Variants in JAM3 observed in about 807,000 individuals in gnomAD.
JAM3 encodes junctional adhesion molecule C.
In JAM3, 31 loss-of-function variants were observed where a neutral mutation model predicts 39.4. The observed-to-expected ratio is 0.79, with a 90% CI of 0.59 to 1.06. The LOEUF (loss-of-function observed/expected upper bound fraction) is 1.06, where lower values mean the gene tolerates loss of function less well. JAM3 is among the 50% of genes least tolerant of loss of function. The pLI, the probability that JAM3 is intolerant of heterozygous loss-of-function variation, is 0.00. For synonymous variants in JAM3, 182 were observed against 148.7 expected (o/e 1.22, Z -1.63); for missense variants, 455 against 391.4 (o/e 1.16, Z -1.37).
At chr11:134,113,443 T>A (rs1472152336) in intron 1 of JAM3, among the ~76,000 whole-genome samples, 4 of 152,196 alleles carry the variant, frequency 2.6e-5, no homozygotes, top group Non-Finnish European at 5.9e-5. Flanking sequence ...ACACGCGGTG[T>A]TTGGTTTTTT....
At chr11:134,087,200 G>A (rs1490278919) in intron 1 of JAM3, among the ~76,000 whole-genome samples, 2 of 151,752 alleles carry the variant, frequency 1.3e-5, no homozygotes, top group African/African-American at 4.8e-5. Context: ...GTATTACAAT[G>A]AAGGAGATAC....
intron 1 of JAM3, among the ~76,000 whole-genome samples, chr11:134,111,220 T>C (rs1328180964): frequency 7.1e-6 from 1 of 140,376 alleles, no homozygotes; most frequent in Non-Finnish European, 1.5e-5. Flanking sequence ...CTCGGCTCAC[T>C]GCAAGCTTCG....
At chr11:134,081,048 G>T (rs1406065051) in intron 1 of JAM3, among the ~76,000 whole-genome samples, 1 of 152,188 alleles carries the variant, frequency 6.6e-6, no homozygotes, top group Non-Finnish European at 1.5e-5. Flanking sequence ...CTAGAGATTT[G>T]TGCAACTTTG....
intron 1 of JAM3, among the ~76,000 whole-genome samples, chr11:134,083,049 A>G (rs545455228): frequency 1.3e-5 from 2 of 152,328 alleles, no homozygotes; most frequent in African/African-American, 4.8e-5. Flanking sequence ...TTTTCTATGT[A>G]TATTTCCAGC....
chr11:134,091,018 G>T (rs957258538), intron 1 of JAM3, among the ~76,000 whole-genome samples: 1 of 152,034 alleles, frequency 6.6e-6, no homozygotes, highest in African/African-American at 2.4e-5. Flanking sequence ...TAATGTATTG[G>T]CTGGCTAAGA....
intron 1 of JAM3, among the ~76,000 whole-genome samples, chr11:134,075,595 TG>T (rs1248308869): frequency 6.6e-6 from 1 of 152,164 alleles, no homozygotes; most frequent in Non-Finnish European, 1.5e-5. Flanking sequence ...GGTAATTTTT[TG>T]AACATTTTTT....
chr11:134,138,367 CTAGT>C (rs1942910448), intron 1 of JAM3, among the ~76,000 whole-genome samples: 3 of 127,458 alleles, frequency 2.4e-5, no homozygotes, highest in Non-Finnish European at 5.0e-5. Flanking sequence ...TTTATGGCCA[CTAGT>C]CCCTTAGAGC....
chr11:134,136,841 C>A (rs529825758), intron 1 of JAM3, among the ~76,000 whole-genome samples: 76 of 152,322 alleles, frequency 5.0e-4, no homozygotes, highest in African/African-American at 1.7e-3. Flanking sequence ...AGGCCGGGCG[C>A]AGTGGCTCAC....
chr11:134,124,726 AAAG>A (rs1031312430), intron 1 of JAM3, among the ~76,000 whole-genome samples: 2 of 152,218 alleles, frequency 1.3e-5, no homozygotes, highest in Non-Finnish European at 2.9e-5. Flanking sequence ...ATTAAAAAAA[AAAG>A]CCAGCTATTT....
intron 1 of JAM3, among the ~76,000 whole-genome samples, chr11:134,129,846 C>CA (rs1942733586): frequency 6.6e-6 from 1 of 151,994 alleles, no homozygotes; most frequent in South Asian, 2.1e-4. Flanking sequence ...TACTAAAATA[C>CA]AAAAAATTAG....
intron 1 of JAM3, among the ~76,000 whole-genome samples, chr11:134,086,077 C>T (rs906873921): frequency 2.0e-5 from 3 of 152,120 alleles, no homozygotes; most frequent in Non-Finnish European, 4.4e-5. Flanking sequence ...TGAGCCCTAT[C>T]GTATTAATCT....
Position 134,148,513 on chromosome 11 carries a change from T to C in JAM3, c.713-34T>C, listed in dbSNP as rs760323072. ...GCCTTTTTAAATAACAGATAGTGTG[T>C]ATCATGGCTTCCACCAAACCTCCTT... On this transcript the variant is annotated intron_variant, in intron 6 of 8. Transcript: ENST00000299106. The C allele has an allele frequency of 1.2e-5, 19 of 1,614,078 alleles. No homozygotes were observed. In the South Asian group the frequency reaches 2.1e-4, roughly 18 times the overall value.
chr11:134,114,961 A>G (rs1942394707), intron 1 of JAM3, among the ~76,000 whole-genome samples: 1 of 152,186 alleles, frequency 6.6e-6, no homozygotes, highest in Non-Finnish European at 1.5e-5. Flanking sequence ...AAAGAATCCT[A>G]TGGATTTGTT....
chr11:134,144,183 T>C (rs529837131), intron 3 of JAM3, 58 bp from the exon 4 acceptor site: 83 of 1,601,242 alleles, frequency 5.2e-5, no homozygotes, highest in Non-Finnish European at 6.8e-5. Flanking sequence ...AACCACCCTC[T>C]TCAAGTGGCA....
intron 6 of JAM3, 60 bp from the exon 7 acceptor site, chr11:134,148,487 G>C (rs1943120388): frequency 6.2e-7 from 1 of 1,611,180 alleles, no homozygotes; most frequent in Non-Finnish European, 8.5e-7. Context: ...GCAGGGCCAG[G>C]GCCTTTTTAA....
intron 3 of JAM3, among the ~76,000 whole-genome samples, chr11:134,141,262 A>G (rs1231913965): frequency 1.3e-5 from 2 of 152,028 alleles, no homozygotes; most frequent in East Asian, 3.9e-4. Flanking sequence ...GTGGTCAGGG[A>G]AGGCTCCCCA....
chr11:134,147,485 C>T (rs180947036), intron 6 of JAM3, among the ~76,000 whole-genome samples: 76 of 139,108 alleles, frequency 5.5e-4, no homozygotes, highest in African/African-American at 1.9e-3. Flanking sequence ...AAAACGATTG[C>T]AAGTTTACTT....
chr11:134,091,038 G>A (rs1280215215), intron 1 of JAM3, among the ~76,000 whole-genome samples: 2 of 152,002 alleles, frequency 1.3e-5, no homozygotes, highest in African/African-American at 2.4e-5. Flanking sequence ...ATTCCTACAG[G>A]GTTCATTCTT....
Position 134,146,065 on chromosome 11 carries a change from A to G in JAM3, c.712+20A>G, listed in dbSNP as rs1241236558. On this transcript the variant is annotated intron_variant, in intron 6 of 8. Coordinates refer to ENST00000299106, the MANE Select transcript of JAM3 (RefSeq NM_032801.5). The stretch of plus-strand genomic sequence containing the variant: ...AAGTCTGTGAGTTTCTTTTTTGAAG[A>G]GGTTTCATCGCAAGACTGGGAAGTG... 1 of 1,508,796 alleles carries G rather than the reference A, an allele frequency of 6.6e-7. No homozygotes were observed. The allele number at this position is 1,508,796 out of a possible 1,614,324, so 93.5% of individuals were successfully genotyped here.
Sources: allele counts gnomAD v4.1 joint callset (sites outside exome capture counted in the v4.1 genomes callset), GRCh38; gene constraint gnomAD v4.1.1; transcripts MANE v1.5; gene names NCBI Gene and HGNC (gene_info 2026-07-23, HGNC 2026-07-21).